Variants in NCKAP5 observed in about 807,000 individuals in gnomAD.
NCKAP5 encodes the protein nck-associated protein 5.
NCKAP5 carries 92 observed loss-of-function variants against 167.0 expected under a neutral mutation model. The ratio of observed to expected loss-of-function variants is 0.55; its 90% CI spans 0.47 to 0.66. The LOEUF (loss-of-function observed/expected upper bound fraction) is 0.66, where lower values mean the gene tolerates loss of function less well. Among genes scored for constraint, NCKAP5 ranks in the 30% least tolerant of loss-of-function variants. The pLI is 0.00. For synonymous variants in NCKAP5, 891 were observed against 877.4 expected, an observed-to-expected ratio of 1.02 and a Z score of -0.27; for missense variants, 2,378 against 2,315.0, an observed-to-expected ratio of 1.03 and a Z score of -0.56.
chr2:132,879,740 T>C (rs1025025050), intron 8 of NCKAP5, among the ~76,000 whole-genome samples: 1 of 152,206 alleles, frequency 6.6e-6, no homozygotes, highest in African/African-American at 2.4e-5. Context: ...TGGCTCTACG[T>C]GCCCCTTCTC....
intron 11 of NCKAP5, among the ~76,000 whole-genome samples, chr2:132,824,780 CT>C (rs1253653110): frequency 1.3e-5 from 2 of 152,186 alleles, no homozygotes; most frequent in African/African-American, 4.8e-5. Context: ...TTTCATCTTG[CT>C]GGCCTAGTGA....
At chr2:132,856,584 G>T (rs1689488645) in intron 11 of NCKAP5, among the ~76,000 whole-genome samples, 2 of 152,086 alleles carry the variant, frequency 1.3e-5, no homozygotes, top group South Asian at 4.1e-4. Context: ...AAAAAGAAAA[G>T]AAAACATTGT....
Position 133,330,208 on chromosome 2 carries a change from G to A in NCKAP5, c.70-27098C>T, listed in dbSNP as rs137900328. Among the ~76,000 whole-genome samples, 1,060 of 148,740 alleles carry A rather than the reference G, an allele frequency of 7.1e-3. 12 individuals are homozygous for A. The highest frequency in any genetic ancestry group is 0.023 in the African/African-American group (927 of 40,562). On this transcript the variant is annotated intron_variant, in intron 3 of 19. Coordinates refer to ENST00000409261, the MANE Select transcript of NCKAP5 (RefSeq NM_207363.3). ...CAGCCTCCTGAATATGGGTTTACAG[G>A]CATGCACCACCACACCCAGCTACTT...
intron 16 of NCKAP5, among the ~76,000 whole-genome samples, chr2:132,754,380 T>C (rs965695006): frequency 6.2e-5 from 9 of 144,898 alleles, no homozygotes; most frequent in African/African-American, 2.3e-4. Flanking sequence ...CAAAGCCACC[T>C]ACTATTTATT....
At chr2:133,282,196 T>C (rs926539782) in intron 4 of NCKAP5, among the ~76,000 whole-genome samples, 3 of 152,214 alleles carry the variant, frequency 2.0e-5, no homozygotes, top group Non-Finnish European at 4.4e-5. Flanking sequence ...TTAAATGACT[T>C]AATACTTGTG....
At chr2:133,575,487 A>G in the NCKAP5 span, among the ~76,000 whole-genome samples, 7 of 152,170 alleles carry the variant, frequency 4.6e-5, no homozygotes, top group Non-Finnish European at 8.8e-5. Flanking sequence ...TAGCTTCCAC[A>G]TTTTCAAGCA....
chr2:132,961,217 A>G (rs751908869), intron 8 of NCKAP5, among the ~76,000 whole-genome samples: 1 of 152,064 alleles, frequency 6.6e-6, no homozygotes, highest in Admixed American at 6.6e-5. Flanking sequence ...GATCCTAGAC[A>G]CTGAGAATAT....
chr2:133,371,047 T>A (rs1048809706), intron 3 of NCKAP5, among the ~76,000 whole-genome samples: 2 of 152,192 alleles, frequency 1.3e-5, no homozygotes, highest in Non-Finnish European at 2.9e-5. Flanking sequence ...AAAACATAAA[T>A]CTTTGCTTCT....
chr2:133,052,912 C>T (rs969648235), intron 6 of NCKAP5, among the ~76,000 whole-genome samples: 1 of 151,728 alleles, frequency 6.6e-6, no homozygotes, highest in Non-Finnish European at 1.5e-5. Context: ...AAAGAAAATT[C>T]TAAGAAAGCA....
At chr2:133,010,248 T>C (rs1022552606) in intron 6 of NCKAP5, among the ~76,000 whole-genome samples, 1 of 152,238 alleles carries the variant, frequency 6.6e-6, no homozygotes, top group African/African-American at 2.4e-5. Flanking sequence ...ATAAGAAATA[T>C]GCTTTAGGTA....
At chr2:132,751,384 C>T (rs1375414630) in intron 16 of NCKAP5, among the ~76,000 whole-genome samples, 1 of 152,054 alleles carries the variant, frequency 6.6e-6, no homozygotes, top group African/African-American at 2.4e-5. Flanking sequence ...GCTTGTACGG[C>T]CTGCAGAACC....
chr2:133,635,485 A>T, the NCKAP5 span, among the ~76,000 whole-genome samples: 1 of 152,216 alleles, frequency 6.6e-6, no homozygotes, highest in East Asian at 1.9e-4. Flanking sequence ...TAACATAGAA[A>T]TAAAACTCCT....
chr2:133,415,135 T>C (rs1689026710), intron 3 of NCKAP5, among the ~76,000 whole-genome samples: 1 of 152,220 alleles, frequency 6.6e-6, no homozygotes, highest in South Asian at 2.1e-4. Flanking sequence ...CCCCCGCTGA[T>C]GCTGCCTCAG....
chr2:133,575,095 C>T, the NCKAP5 span, among the ~76,000 whole-genome samples: 1 of 152,206 alleles, frequency 6.6e-6, no homozygotes, highest in Non-Finnish European at 1.5e-5. Context: ...TCAGGCAAAG[C>T]CCACTGTGGT....
In NCKAP5 at chr2:132,965,032, AT is replaced by A. The variant is rs532237498; in HGVS notation, c.430-1164del. Among the ~76,000 whole-genome samples the A allele has an allele frequency of 8.5e-5, 13 of 152,356 alleles. No homozygotes were observed. The East Asian group carries it at 2.5e-3, about 29-fold the overall frequency. On this transcript the variant is annotated intron_variant, in intron 7 of 19. Transcript: ENST00000409261. ...TATATGTATACATTTATACATATAT[AT>A]GTATCAGTGTATACGTGTGTGTATA...
chr2:133,279,038 A>G (rs2089844597), intron 4 of NCKAP5, among the ~76,000 whole-genome samples: 1 of 152,344 alleles, frequency 6.6e-6, no homozygotes. Flanking sequence ...GTGGGTAATC[A>G]TGCAGTCTTA....
chr2:133,502,044 C>G (rs1027420588), intron 3 of NCKAP5, among the ~76,000 whole-genome samples: 3 of 152,176 alleles, frequency 2.0e-5, no homozygotes, highest in Non-Finnish European at 4.4e-5. Flanking sequence ...AGTGTCCGTT[C>G]GCCTCGCTTG....
chr2:133,013,325 C>T (rs970769752), intron 6 of NCKAP5, among the ~76,000 whole-genome samples: 12 of 152,158 alleles, frequency 7.9e-5, no homozygotes, highest in African/African-American at 1.4e-4. Context: ...TGTATTAGTC[C>T]GTTTTCACAC....
intron 8 of NCKAP5, among the ~76,000 whole-genome samples, chr2:132,913,871 C>T (rs550825428): frequency 1.3e-5 from 2 of 152,236 alleles, no homozygotes; most frequent in South Asian, 2.1e-4. Context: ...TATTAGCATA[C>T]TTATCGTCTT....
Sources: gnomAD v4.1 joint callset for allele counts (sites outside exome capture counted in the v4.1 genomes callset) on GRCh38, gnomAD v4.1.1 for gene constraint, MANE v1.5 for transcripts, NCBI Gene and HGNC (gene_info 2026-07-23, HGNC 2026-07-21) for gene names.